The following LRRN2 variants were observed in gnomAD, a reference collection of about 807,000 sequenced individuals.
The protein encoded by LRRN2 is leucine rich repeat neuronal 2.
LRRN2 carries 10 observed loss-of-function variants against 35.7 expected under a neutral mutation model. The ratio of observed to expected loss-of-function variants is 0.28; its 90% confidence interval spans 0.17 to 0.47. The LOEUF (loss-of-function observed/expected upper bound fraction) is 0.47. LRRN2 is among the 20% of genes least tolerant of loss of function. The pLI is 0.99. For missense variants in LRRN2, 731 were observed against 940.3 expected, an observed-to-expected ratio of 0.78 and a Z score of 2.91; for synonymous variants, 391 against 409.6, an observed-to-expected ratio of 0.95 and a Z score of 0.55.
At chr1:204,680,546 AG>A in intron 1 of LRRN2, among the ~76,000 whole-genome samples, 1 of 152,218 alleles carries the variant, frequency 6.6e-6, no homozygotes, top group Non-Finnish European at 1.5e-5. Context: ...GCAGAGTGCA[AG>A]GCCTAGCAGC....
chr1:204,671,094 C>CTG (rs1668699939), intron 1 of LRRN2, among the ~76,000 whole-genome samples: 1 of 152,246 alleles, frequency 6.6e-6, no homozygotes, highest in Non-Finnish European at 1.5e-5. Flanking sequence ...GATGGCCATG[C>CTG]TGTGGCCTCT....
At chr1:204,666,733 G>A (rs1668580593) in intron 1 of LRRN2, among the ~76,000 whole-genome samples, 1 of 152,200 alleles carries the variant, frequency 6.6e-6, no homozygotes, top group Admixed American at 6.5e-5. Context: ...TGCCAAGGCA[G>A]ATGGATCACT....
intron 1 of LRRN2, among the ~76,000 whole-genome samples, chr1:204,653,459 A>G (rs1668277750): frequency 6.6e-6 from 1 of 152,192 alleles, no homozygotes. Context: ...CTTACTGAAC[A>G]CTTGGTATGA....
At chr1:204,642,858 G>C (rs533844798) in intron 1 of LRRN2, among the ~76,000 whole-genome samples, 2 of 152,160 alleles carry the variant, frequency 1.3e-5, no homozygotes. Flanking sequence ...TTGCAGCAAC[G>C]GGCTCTTCTA....
At chr1:204,635,891 C>T (rs1364025445) in intron 1 of LRRN2, among the ~76,000 whole-genome samples, 2 of 152,254 alleles carry the variant, frequency 1.3e-5, no homozygotes, top group African/African-American at 4.8e-5. Flanking sequence ...ACGAGCATCG[C>T]TGCAGGGAAT....
intron 1 of LRRN2, among the ~76,000 whole-genome samples, chr1:204,671,501 C>G (rs559382862): frequency 6.7e-6 from 1 of 150,348 alleles, no homozygotes; most frequent in African/African-American, 2.4e-5. Context: ...TAATCCAGAA[C>G]AGGGACTTGG....
At chr1:204,685,091 A>C (rs1180479005) in intron 1 of LRRN2, among the ~76,000 whole-genome samples, 1 of 151,656 alleles carries the variant, frequency 6.6e-6, no homozygotes, top group Non-Finnish European at 1.5e-5. Flanking sequence ...CCCTCTCCCA[A>C]GTCTCCGGCT....
chr1:204,666,719 G>A (rs1668580439), intron 1 of LRRN2, among the ~76,000 whole-genome samples: 1 of 152,160 alleles, frequency 6.6e-6, no homozygotes, highest in Non-Finnish European at 1.5e-5. Flanking sequence ...CCAGCTCTTT[G>A]GGATGCCAAG....
intron 1 of LRRN2, among the ~76,000 whole-genome samples, chr1:204,673,740 G>A (rs1434624777): frequency 6.6e-6 from 1 of 152,184 alleles, no homozygotes; most frequent in African/African-American, 2.4e-5. Context: ...AAGTGGAGAG[G>A]GGTCTGGCCC....
intron 1 of LRRN2, among the ~76,000 whole-genome samples, chr1:204,669,095 G>A (rs1319846360): frequency 6.6e-6 from 1 of 152,200 alleles, no homozygotes; most frequent in African/African-American, 2.4e-5. Flanking sequence ...AGAGTTCTGG[G>A]ATTATAGGCA....
chr1:204,682,240 G>A (rs1201747144), intron 1 of LRRN2, among the ~76,000 whole-genome samples: 1 of 152,148 alleles, frequency 6.6e-6, no homozygotes, highest in African/African-American at 2.4e-5. Context: ...TACCTGTGTA[G>A]GATGACACAG....
intron 1 of LRRN2, among the ~76,000 whole-genome samples, chr1:204,667,083 G>A (rs11585853): frequency 6.6e-6 from 1 of 151,796 alleles, no homozygotes; most frequent in Admixed American, 6.6e-5. Context: ...GTGGCTGACA[G>A]AGTGCGAGAT....
At chr1:204,623,001 C>G (rs1012261998) in intron 1 of LRRN2, among the ~76,000 whole-genome samples, 3 of 152,172 alleles carry the variant, frequency 2.0e-5, no homozygotes, top group Non-Finnish European at 2.9e-5. Flanking sequence ...AGGAGGTTCT[C>G]CAGCTATAGG....
rs1211035711 is a variant in LRRN2, at chr1:204,617,826, T to G, written c.*25A>C. 1 of 1,612,674 alleles carries G rather than the reference T, an allele frequency of 6.2e-7. No homozygotes were observed. Among genetic ancestry groups the G allele is most frequent in the Admixed American group, 1.7e-5 (1 of 59,996 alleles). On this transcript the variant is annotated 3_prime_UTR_variant, in exon 2 of 2. Coordinates refer to ENST00000367177, the MANE Select transcript of LRRN2 (RefSeq NM_201630.2). ...GGTAAAAAGTAGTCCTAGTGATTTC[T>G]CTACTGCTGAGAACAGGCTGAGCTT...
At chr1:204,631,959 C>T (rs1383068050) in intron 1 of LRRN2, among the ~76,000 whole-genome samples, 1 of 152,236 alleles carries the variant, frequency 6.6e-6, no homozygotes, top group Non-Finnish European at 1.5e-5. Flanking sequence ...AGCAGTGGCT[C>T]ATGCCTGTAA....
chr1:204,662,575 C>T (rs1308929703), intron 1 of LRRN2, among the ~76,000 whole-genome samples: 1 of 152,196 alleles, frequency 6.6e-6, no homozygotes. Context: ...AGTGATGGGA[C>T]ATTTATGAAC....
chr1:204,624,412 C>T (rs1159347720), intron 1 of LRRN2, among the ~76,000 whole-genome samples: 1 of 152,168 alleles, frequency 6.6e-6, no homozygotes, highest in Non-Finnish European at 1.5e-5. Flanking sequence ...AGACAAAAGC[C>T]CTAGAGCCGT....
chr1:204,644,077 A>G (rs542906383), intron 1 of LRRN2, among the ~76,000 whole-genome samples: 28 of 152,312 alleles, frequency 1.8e-4, no homozygotes, highest in African/African-American at 6.7e-4. Flanking sequence ...CCCAGCAGGC[A>G]TGGGCAGGGA....
At chr1:204,675,357 G>A (rs1668802617) in intron 1 of LRRN2, among the ~76,000 whole-genome samples, 1 of 152,194 alleles carries the variant, frequency 6.6e-6, no homozygotes, top group Non-Finnish European at 1.5e-5. Flanking sequence ...CAGTTCTGGA[G>A]GCCAGAAGTC....
Sources: allele counts gnomAD v4.1 joint callset (sites outside exome capture counted in the v4.1 genomes callset), GRCh38; gene constraint gnomAD v4.1.1; transcripts MANE v1.5; gene names NCBI Gene and HGNC (gene_info 2026-07-23, HGNC 2026-07-21).